The following SETD2 variants were observed in gnomAD, a reference collection of about 807,000 sequenced individuals.
SETD2 encodes SET domain containing 2, histone lysine methyltransferase.
Under a neutral mutation model 242.1 loss-of-function variants are expected in SETD2, and 31 were observed. The observed-to-expected ratio is 0.13, with a 90% confidence interval of 0.10 to 0.17. The LOEUF is 0.17. Among genes scored for constraint, SETD2 ranks in the 10% least tolerant of loss-of-function variants. The pLI is 1.00. For missense variants in SETD2, 2,481 were observed against 3,046.3 expected, an observed-to-expected ratio of 0.81 and a Z score of 4.37; for synonymous variants, 1,006 against 1,066.5, an observed-to-expected ratio of 0.94 and a Z score of 1.11.
chr3:47,050,015 C>CAT (rs942387566), intron 15 of SETD2, among the ~76,000 whole-genome samples: 12 of 145,666 alleles, frequency 8.2e-5, no homozygotes, highest in South Asian at 6.4e-4. Flanking sequence ...TATATATAAA[C>CAT]ATATATATAT....
At chr3:47,085,628 A>C (rs527267308) in intron 11 of SETD2, among the ~76,000 whole-genome samples, 4 of 152,250 alleles carry the variant, frequency 2.6e-5, no homozygotes, top group Admixed American at 6.5e-5. Context: ...TGTTTTTAAA[A>C]GTGTTTTATT....
chr3:47,128,241 G>T (rs564722718), intron 1 of SETD2, among the ~76,000 whole-genome samples: 14 of 152,144 alleles, frequency 9.2e-5, no homozygotes, highest in Non-Finnish European at 1.8e-4. Flanking sequence ...CAGTGCATCT[G>T]CTCCATAACA....
rs2043150538 is a variant in SETD2 at position 47,122,711 on chromosome 3, G to A, written c.1925C>T (p.Thr642Ile). 2 of 1,611,406 alleles carry A rather than the reference G, an allele frequency of 1.2e-6. No homozygotes were observed. Among genetic ancestry groups the A allele is most frequent in the African/African-American group, 2.7e-5 (2 of 74,688 alleles). Reference sequence around the variant, plus strand: ...CTTAATACTATCATGGCTATCATGTGTTATAAATTCGGACTTAAAAATAGG... The same window carrying A: ...CTTAATACTATCATGGCTATCATGTATTATAAATTCGGACTTAAAAATAGG... ...ELPIFKSEFI[T>I]HDSHDSIKEL... is the part of the protein sequence containing the mutation. The change falls in exon 3 of 21, where the codon ACA becomes ATA. Residue 642 changes from threonine (T) to isoleucine (I), a missense_variant. This residue lies in a region of SETD2 where 1,300 missense variants were observed against 1,259.2 expected (regional missense o/e 1.03). Transcript: ENST00000409792.
At chr3:47,060,994 A>C (rs1238123654) in intron 14 of SETD2, among the ~76,000 whole-genome samples, 2 of 152,168 alleles carry the variant, frequency 1.3e-5, no homozygotes, top group Non-Finnish European at 2.9e-5. Context: ...AGGCTGAGGC[A>C]GATTACGAGG....
chr3:47,030,431 G>A (rs2038711957), intron 18 of SETD2, among the ~76,000 whole-genome samples: 1 of 152,112 alleles, frequency 6.6e-6, no homozygotes, highest in Admixed American at 6.5e-5. Flanking sequence ...CAGAGATGTG[G>A]TGCTCTGTGA....
intron 9 of SETD2, among the ~76,000 whole-genome samples, chr3:47,091,154 C>G (rs979174832): frequency 6.6e-6 from 1 of 152,132 alleles, no homozygotes; most frequent in Non-Finnish European, 1.5e-5. Flanking sequence ...CCAAGAAAGA[C>G]AATTTCATTA....
intron 5 of SETD2, among the ~76,000 whole-genome samples, chr3:47,111,053 G>C (rs979196238): frequency 7.5e-6 from 1 of 133,508 alleles, no homozygotes; most frequent in Non-Finnish European, 1.5e-5. Context: ...CTGTAAGAGA[G>C]GCTTGTGTCC....
intron 18 of SETD2, among the ~76,000 whole-genome samples, chr3:47,021,158 G>A (rs1324597426): frequency 6.6e-6 from 1 of 152,158 alleles, no homozygotes; most frequent in East Asian, 1.9e-4. Flanking sequence ...GATGGTATGA[G>A]TATGCTCCAC....
chr3:47,046,679 C>A, intron 15 of SETD2, 58 bp from the exon 16 acceptor site: 1 of 1,484,478 alleles, frequency 6.7e-7, no homozygotes, highest in Non-Finnish European at 9.2e-7. Flanking sequence ...AATAAACAGA[C>A]TGACTTCCAA....
chr3:47,119,824 TTCTC>T (rs574435288), intron 3 of SETD2: 259 of 484,508 alleles, frequency 5.3e-4, no homozygotes, highest in African/African-American at 4.7e-3. Flanking sequence ...CACTTTTTTC[TTCTC>T]TAAGTACAGA....
intron 12 of SETD2, 78 bp downstream of exon 12, chr3:47,083,642 G>T (rs1007697190): frequency 1.5e-6 from 2 of 1,328,640 alleles, no homozygotes; most frequent in Non-Finnish European, 2.1e-6. Context: ...GCTAAAAAAA[G>T]TAGTTAATTT....
At chr3:47,089,455 G>C (rs2041705044) in intron 9 of SETD2, among the ~76,000 whole-genome samples, 1 of 152,092 alleles carries the variant, frequency 6.6e-6, no homozygotes. Flanking sequence ...TCAAAAAAAG[G>C]CAAGGAAGTA....
intron 1 of SETD2, among the ~76,000 whole-genome samples, chr3:47,135,523 C>T (rs1159471909): frequency 2.0e-5 from 3 of 152,220 alleles, no homozygotes; most frequent in African/African-American, 7.2e-5. Context: ...ACAATCTGTC[C>T]GCCTTGGCCT....
chr3:47,043,069 CT>C (rs569063620), intron 16 of SETD2, among the ~76,000 whole-genome samples: 4 of 150,280 alleles, frequency 2.7e-5, no homozygotes, highest in Non-Finnish European at 5.9e-5. Context: ...AAAAAACCCC[CT>C]GAGAAGCAAA....
At chr3:47,137,365 G>A (rs1164232441) in intron 1 of SETD2, among the ~76,000 whole-genome samples, 1 of 149,386 alleles carries the variant, frequency 6.7e-6, no homozygotes, top group Non-Finnish European at 1.5e-5. Flanking sequence ...GCTAATTTTT[G>A]TATTTTTAGT....
rs370566360 is a variant in SETD2 at position 47,042,667 on chromosome 3, G to A, written c.7132C>T (p.Leu2378=). 15 of 1,609,954 alleles carry A rather than the reference G, an allele frequency of 9.3e-6. No homozygotes were observed. Among genetic ancestry groups the A allele is most frequent in the South Asian group, 2.2e-5 (2 of 90,430 alleles). ...EMVVTNNLLD[L]PPPSPPKPKT... is the part of the protein sequence containing the mutation. Reference sequence around the variant, plus strand: ...GGTTTGGGAGGAGAGGGGGGCGGCAGATCCAAGAGATTATTTGTCACAACC... The same window carrying A: ...GGTTTGGGAGGAGAGGGGGGCGGCAAATCCAAGAGATTATTTGTCACAACC... The change falls in exon 17 of 21, where the codon CTG becomes TTG. Residue 2378 remains leucine (L), a synonymous_variant. Transcript: ENST00000409792.
intron 12 of SETD2, among the ~76,000 whole-genome samples, chr3:47,069,014 C>T (rs775766135): frequency 9.2e-5 from 14 of 151,952 alleles, no homozygotes; most frequent in South Asian, 2.1e-4. Context: ...AGACTGGTCT[C>T]GAACTCCTGA....
At chr3:47,142,283 G>C (rs572693024) in intron 1 of SETD2, among the ~76,000 whole-genome samples, 3 of 152,122 alleles carry the variant, frequency 2.0e-5, no homozygotes, top group Admixed American at 6.6e-5. Flanking sequence ...TGAGGCAGTA[G>C]GGTTGTTTGA....
At chr3:47,050,870 A>G (rs777227441) in intron 15 of SETD2, among the ~76,000 whole-genome samples, 17 of 151,430 alleles carry the variant, frequency 1.1e-4, no homozygotes, top group Non-Finnish European at 1.9e-4. Context: ...AGCTGGGATT[A>G]TAGGCGTGCG....
Sources: gnomAD v4.1 joint callset for allele counts (sites outside exome capture counted in the v4.1 genomes callset) on GRCh38, gnomAD v4.1.1 for gene constraint, gnomAD v4.1.1 regional missense constraint, MANE v1.5 for transcripts, NCBI Gene and HGNC (gene_info 2026-07-23, HGNC 2026-07-21) for gene names.